Variants in ACTR10 observed in about 807,000 individuals in gnomAD.
ACTR10 encodes the protein actin-related protein 10.
In ACTR10, 43 loss-of-function variants were observed where a neutral mutation model predicts 56.2. That is an observed-to-expected ratio of 0.77 (90% CI 0.60 to 0.99). The LOEUF (loss-of-function observed/expected upper bound fraction) is 0.99, where lower values mean the gene tolerates loss of function less well. ACTR10 is among the 50% of genes least tolerant of loss of function. The probability of loss-of-function intolerance (pLI) is 0.00; values close to 1 mark genes in which losing one functional copy is unlikely to be tolerated. For missense variants in ACTR10, 466 were observed against 507.8 expected, an observed-to-expected ratio of 0.92 and a Z score of 0.79; for synonymous variants, 170 against 176.3, an observed-to-expected ratio of 0.96 and a Z score of 0.28.
intron 5 of ACTR10, among the ~76,000 whole-genome samples, chr14:58,212,006 G>T (rs757140146): frequency 6.6e-6 from 1 of 151,098 alleles, no homozygotes; most frequent in Non-Finnish European, 1.5e-5. Flanking sequence ...AGAGGCTTTC[G>T]TGAAGGCAGT....
intron 7 of ACTR10, among the ~76,000 whole-genome samples, chr14:58,217,406 G>A (rs768501964): frequency 1.2e-4 from 18 of 152,178 alleles, no homozygotes; most frequent in Non-Finnish European, 2.2e-4. Flanking sequence ...GGTGGCTCAC[G>A]CCTGTAATCC....
rs1019299482 is a variant in ACTR10 at position 58,206,021 on chromosome 14, CA to C, written c.151-1907del. ...TGGGCAACAGAGGGAGACTCCATGT[CA>C]AAAAAAACGGGGGCGGGGGATGGAA... On this transcript the variant is annotated intron_variant, in intron 2 of 12. Coordinates refer to ENST00000254286, the MANE Select transcript of ACTR10 (RefSeq NM_018477.3). Among the ~76,000 whole-genome samples, 8 of 149,512 alleles carry C rather than the reference CA, an allele frequency of 5.4e-5. No individual in the cohort carries two copies. In the East Asian group the frequency reaches 6.2e-4, roughly 12 times the overall value.
At chr14:58,215,329 T>A (rs1889109013) in intron 7 of ACTR10, 45 bp downstream of exon 7, 1 of 1,255,806 alleles carries the variant, frequency 8.0e-7, no homozygotes, top group South Asian at 1.3e-5. Flanking sequence ...CACTCTCTTT[T>A]TGTTCTTCAA....
At chr14:58,222,923 G>A (rs1889310323) in intron 8 of ACTR10, among the ~76,000 whole-genome samples, 1 of 151,930 alleles carries the variant, frequency 6.6e-6, no homozygotes, top group African/African-American at 2.4e-5. Context: ...AGAAAATCTG[G>A]TTTAAAGAAA....
At chr14:58,214,156 G>A (rs1889072517) in intron 6 of ACTR10, among the ~76,000 whole-genome samples, 1 of 152,010 alleles carries the variant, frequency 6.6e-6, no homozygotes. Context: ...CACCTCCCTT[G>A]TATCCCTCCA....
intron 1 of ACTR10, among the ~76,000 whole-genome samples, chr14:58,202,205 A>C (rs1888727930): frequency 1.3e-5 from 2 of 152,116 alleles, no homozygotes; most frequent in South Asian, 4.1e-4. Flanking sequence ...ATACAGATGA[A>C]TTATATGAAT....
chr14:58,227,348 T>C (rs1331794086), intron 10 of ACTR10, among the ~76,000 whole-genome samples: 1 of 152,150 alleles, frequency 6.6e-6, no homozygotes, highest in Non-Finnish European at 1.5e-5. Flanking sequence ...CTGGCCAACA[T>C]GGTGAAACCC....
At chr14:58,222,660 G>T (rs969258346) in intron 8 of ACTR10, among the ~76,000 whole-genome samples, 5 of 151,666 alleles carry the variant, frequency 3.3e-5, no homozygotes, top group African/African-American at 9.7e-5. Context: ...AGCTACTTGG[G>T]TGGCTGAGGT....
At chr14:58,229,583 CAGG>C (rs1889481681) in intron 10 of ACTR10, among the ~76,000 whole-genome samples, 1 of 150,128 alleles carries the variant, frequency 6.7e-6, no homozygotes, top group Non-Finnish European at 1.5e-5. Context: ...GTGGCTGAGG[CAGG>C]AGAATGGCGT....
intron 8 of ACTR10, among the ~76,000 whole-genome samples, chr14:58,222,024 T>C (rs923478035): frequency 1.3e-5 from 2 of 152,222 alleles, no homozygotes; most frequent in Non-Finnish European, 2.9e-5. Context: ...CCTAGCTCAC[T>C]GTCTAGCATA....
chr14:58,213,861 A>G (rs1397064130), intron 6 of ACTR10, among the ~76,000 whole-genome samples, 163 bp downstream of exon 6: 1 of 152,190 alleles, frequency 6.6e-6, no homozygotes, highest in Non-Finnish European at 1.5e-5. Context: ...TTAAGAATAA[A>G]CCAGTTTTTT....
rs574517647 is a variant in ACTR10 at position 58,208,936 on chromosome 14, T to C, written c.234-63T>C. 2.0e-4 allele frequency: 217 copies of C among 1,081,890 alleles called. 2 individuals are homozygous for C. In the African/African-American group the frequency reaches 3.3e-3, roughly 17 times the overall value. 67.0% of individuals were successfully genotyped at this position (1,081,890 alleles called of 1,614,324 possible). A position where few individuals can be genotyped will look rare whatever the true frequency, so the allele number is the denominator to read the frequency against. ...GTAGTACAGTTTCACTGTTCTTAAA[T>C]TGTATGACTTAACAAAATGAATAAA... is the stretch of plus-strand genomic sequence containing the variant. On this transcript the variant is annotated intron_variant, in intron 3 of 12. Coordinates refer to ENST00000254286, the MANE Select transcript of ACTR10 (RefSeq NM_018477.3).
intron 6 of ACTR10, 127 bp from the exon 7 acceptor site, chr14:58,215,078 C>T (rs1889100324): frequency 1.8e-6 from 1 of 547,454 alleles, no homozygotes; most frequent in African/African-American, 1.9e-5. Context: ...TTCACTCCAG[C>T]CTGGGCAACA....
intron 11 of ACTR10, 130 bp from the exon 12 acceptor site, chr14:58,231,936 C>T: frequency 2.2e-6 from 1 of 460,368 alleles, no homozygotes; most frequent in Non-Finnish European, 3.4e-6. Context: ...TACAAACGAT[C>T]ACCTGTTTAA....
chr14:58,213,764 G>A, intron 6 of ACTR10, 66 bp downstream of exon 6: 5 of 1,257,426 alleles, frequency 4.0e-6, no homozygotes, highest in Non-Finnish European at 5.7e-6. Context: ...TAATCTGTTT[G>A]TTGATCAGTG....
Position 58,211,295 on chromosome 14 carries a change from C to A in ACTR10, c.346C>A (p.Pro116Thr). ...TATTGATTTTGTTATTTTCTAGGTT[C>A]CATCTGTCTTGCTTGCTCCAAGTCA... Reference protein sequence around the residue: ...TRVLFKYFEVPSVLLAPSHLM... With the variant: ...TRVLFKYFEVTSVLLAPSHLM... Residue 116 changes from proline to threonine, a missense_variant, in exon 5 of 13, where the codon CCA becomes ACA. Transcript: ENST00000254286. 1 of 1,609,818 alleles carries A rather than the reference C, an allele frequency of 6.2e-7. No individual in the cohort carries two copies. Among genetic ancestry groups the A allele is most frequent in the Non-Finnish European group, 8.5e-7 (1 of 1,176,538 alleles).
At chr14:58,219,232 TC>T (rs1484801279) in intron 7 of ACTR10, among the ~76,000 whole-genome samples, 1 of 152,204 alleles carries the variant, frequency 6.6e-6, no homozygotes, top group African/African-American at 2.4e-5. Flanking sequence ...AACCAAAGGC[TC>T]CCTGTATTGC....
chr14:58,224,180 TTA>T (rs1421772323), intron 10 of ACTR10, among the ~76,000 whole-genome samples: 2 of 151,938 alleles, frequency 1.3e-5, no homozygotes, highest in Non-Finnish European at 2.9e-5. Context: ...TTTGTATTTT[TTA>T]GTAGAGACAG....
chr14:58,202,043 T>A (rs1888720832), intron 1 of ACTR10, among the ~76,000 whole-genome samples: 1 of 151,278 alleles, frequency 6.6e-6, no homozygotes, highest in South Asian at 2.1e-4. Flanking sequence ...GAAGATTATG[T>A]TAATATGGGC....
Sources: allele counts gnomAD v4.1 joint callset (sites outside exome capture counted in the v4.1 genomes callset), GRCh38; gene constraint gnomAD v4.1.1; transcripts MANE v1.5; gene names NCBI Gene and HGNC (gene_info 2026-07-23, HGNC 2026-07-21).